Variants in ZNF649 observed in about 807,000 individuals in gnomAD.
ZNF649 encodes zinc finger protein 649.
Under a neutral mutation model 14.1 loss-of-function variants are expected in ZNF649, and 7 were observed. That is an observed-to-expected ratio of 0.49 (90% CI 0.28 to 0.93). The LOEUF (loss-of-function observed/expected upper bound fraction) is 0.93. Ranked by LOEUF, ZNF649 falls within the 40% of genes least tolerant of loss-of-function variation. ZNF649 has a pLI of 0.10. For missense variants in ZNF649, 544 were observed against 608.1 expected (o/e 0.89, Z 1.11); for synonymous variants, 227 against 212.3 (o/e 1.07, Z -0.60).
At chr19:51,892,570 A>C (rs2085031399) in intron 4 of ZNF649, among the ~76,000 whole-genome samples, 2 of 152,132 alleles carry the variant, frequency 1.3e-5, no homozygotes, top group African/African-American at 4.8e-5. Flanking sequence ...AACAGCAGAC[A>C]TAGGTAGTAG....
chr19:51,900,948 C>T (rs995899292), intron 1 of ZNF649, among the ~76,000 whole-genome samples: 3 of 152,172 alleles, frequency 2.0e-5, no homozygotes, highest in African/African-American at 7.2e-5. Flanking sequence ...ATATTCATGG[C>T]AACCACTTAT....
rs116142355 is a variant in ZNF649, at chr19:51,897,682, A to G, written c.16-704T>C. On this transcript the variant is annotated intron_variant, in intron 2 of 4. Transcript: ENST00000354957. ...CACACACATACACACGCATGCAGAC[A>G]TAGATGTCCTCACAGGTAAATCCCT... Among the ~76,000 whole-genome samples the G allele has an allele frequency of 8.1e-3, 1,238 of 152,344 alleles. 15 individuals carry two copies. The highest frequency in any genetic ancestry group is 0.028 in the African/African-American group (1,183 of 41,564).
At chr19:51,904,843 G>C (rs949584802) in intron 1 of ZNF649, 71 bp downstream of exon 1, 1 of 152,924 alleles carries the variant, frequency 6.5e-6, no homozygotes. Flanking sequence ...CAGGCCGCCA[G>C]CTCTCCCCAC....
chr19:51,902,969 G>T (rs961891382), intron 1 of ZNF649, among the ~76,000 whole-genome samples: 1 of 152,166 alleles, frequency 6.6e-6, no homozygotes, highest in Non-Finnish European at 1.5e-5. Flanking sequence ...TCATGGCAAA[G>T]TTATCTCGGG....
At chr19:51,898,095 CAAAA>C (rs34792714) in intron 2 of ZNF649, among the ~76,000 whole-genome samples, 4 of 84,374 alleles carry the variant, frequency 4.7e-5, no homozygotes, top group South Asian at 3.7e-4. Flanking sequence ...AAGACTGTCT[CAAAA>C]AAAAAAAAAA....
Position 51,904,963 on chromosome 19 carries a change from G to A in ZNF649, c.-237C>T, listed in dbSNP as rs7257987. Reference sequence around the variant, plus strand: ...AATTCCCTGAATGCTTCCTTTCCTGGCCCTTAAACCCCGGCACTGGCCTAT... The same window carrying A: ...AATTCCCTGAATGCTTCCTTTCCTGACCCTTAAACCCCGGCACTGGCCTAT... On this transcript the variant is annotated 5_prime_UTR_variant, in exon 1 of 5. Coordinates refer to ENST00000354957, the MANE Select transcript of ZNF649 (RefSeq NM_023074.4). 14,450 of 152,374 alleles carry A rather than the reference G, an allele frequency of 0.095. 2,136 individuals carry two copies. The highest frequency in any genetic ancestry group is 0.32 in the African/African-American group (13,146 of 41,392). The allele number at this position is 152,374 out of a possible 1,614,324, so 9.4% of individuals were successfully genotyped here. A position where few individuals can be genotyped will look rare whatever the true frequency, so the allele number is the denominator to read the frequency against.
At position 51,891,164 on chromosome 19, in the gene ZNF649, T is replaced by C; in HGVS notation, c.972A>G (p.Gly324=). ...GATTGCCCTTCTGAATGAAGCCTTT[T>C]CCACATTCACTGCATGTATGAGGCT... The part of the protein sequence containing the change: ...GEKPHTCSEC[G]KGFIQKGNLN... Residue 324 remains glycine, a synonymous_variant, in exon 5 of 5, where the codon GGA becomes GGG. Coordinates refer to ENST00000354957, the MANE Select transcript of ZNF649 (RefSeq NM_023074.4). This position sits in a 1 kb window ranked among gnomAD's most constrained non-coding sequence, Gnocchi z 4.2. The C allele has an allele frequency of 6.2e-7, 1 of 1,614,234 alleles. No homozygotes were observed. Among genetic ancestry groups the C allele is most frequent in the African/African-American group, 1.3e-5 (1 of 75,068 alleles).
At chr19:51,901,666 A>AAT (rs1555752837) in intron 1 of ZNF649, among the ~76,000 whole-genome samples, 1 of 151,910 alleles carries the variant, frequency 6.6e-6, no homozygotes, top group African/African-American at 2.4e-5. Flanking sequence ...AAAATAAAAA[A>AAT]AAATAAAGGC....
intron 1 of ZNF649, among the ~76,000 whole-genome samples, chr19:51,901,106 C>T (rs2085092012): frequency 6.6e-6 from 1 of 152,178 alleles, no homozygotes; most frequent in African/African-American, 2.4e-5. Context: ...CATGACAACA[C>T]ACGTGAAATG....
chr19:51,901,888 C>A (rs1053005970), intron 1 of ZNF649, among the ~76,000 whole-genome samples: 1 of 143,486 alleles, frequency 7.0e-6, no homozygotes, highest in East Asian at 2.0e-4. Context: ...GAGGTTGAGA[C>A]TGCAGTGAGT....
Position 51,891,261 on chromosome 19 carries a change from C to G in ZNF649, c.875G>C (p.Cys292Ser), listed in dbSNP as rs757611242. ...RIHTGIKPHQ[C>S]SECGRAFSRK... ...GGAGAAAGCTCTCCCACATTCGCTG[C>G]ATTGATGGGGCTTAATTCCCGTGTG... The change falls in exon 5 of 5, where the codon TGC (cysteine) becomes TCC (serine). Residue 292 changes from cysteine to serine, a missense_variant. Physicochemically the swap from Cys to Ser is moderately radical, Grantham distance 112 (BLOSUM62 -1). Transcript: ENST00000354957. The surrounding 1 kb of genome is among the most constrained non-coding windows in gnomAD (Gnocchi z 4.2). 49 of 1,614,144 alleles carry G rather than the reference C, an allele frequency of 3.0e-5. No homozygotes were observed. Among genetic ancestry groups the G allele is most frequent in the Non-Finnish European group, 4.2e-5 (49 of 1,180,058 alleles).
At chr19:51,893,479 A>G (rs561869887) in intron 4 of ZNF649, among the ~76,000 whole-genome samples, 159 of 152,296 alleles carry the variant, frequency 1.0e-3, no homozygotes, top group African/African-American at 3.4e-3. Context: ...GTTAGAATAT[A>G]AAGTTTCTCT....
chr19:51,903,516 C>G (rs978580691), intron 1 of ZNF649, among the ~76,000 whole-genome samples: 2 of 152,144 alleles, frequency 1.3e-5, no homozygotes, highest in African/African-American at 4.8e-5. Flanking sequence ...TTATACATTT[C>G]TTATAAATCG....
At chr19:51,895,313 G>A (rs150213765) in intron 4 of ZNF649, among the ~76,000 whole-genome samples, 5 of 152,202 alleles carry the variant, frequency 3.3e-5, no homozygotes, top group Non-Finnish European at 4.4e-5. Context: ...ATCACATACC[G>A]ATGCCTCAGT....
Position 51,896,582 on chromosome 19 carries a change from T to C in ZNF649, c.143-15A>G, listed in dbSNP as rs755362998. ...GGCTTGATACCCTGTTTGTGGGAAA[T>C]GGGAGAAGACTTAGGCTCACTGAAT... is the stretch of plus-strand genomic sequence containing the variant. On this transcript the variant is annotated splice_polypyrimidine_tract_variant and intron_variant, in intron 3 of 4. Coordinates refer to ENST00000354957, the MANE Select transcript of ZNF649 (RefSeq NM_023074.4). 5 of 1,613,648 alleles carry C rather than the reference T, an allele frequency of 3.1e-6. No homozygotes were observed. In the East Asian group the frequency reaches 6.7e-5, roughly 22 times the overall value.
At chr19:51,897,319 G>A (rs926432297) in intron 2 of ZNF649, 1 of 190,334 alleles carries the variant, frequency 5.3e-6, no homozygotes, top group Admixed American at 5.3e-5. Context: ...TACTGTGAAA[G>A]AAGCAAAGTC....
Position 51,891,085 on chromosome 19 carries a change from A to C in ZNF649, c.1051T>G (p.Cys351Gly). ...GACTTCTGGCTGAAGGCCTTGCCAC[A>C]GTCAATGCATCCATAAGGTTTCTCT... ...TGEKPYGCID[C>G]GKAFSQKSCL... The change falls in exon 5 of 5, where the codon TGT becomes GGT. Residue 351 changes from cysteine (C) to glycine (G), a missense_variant. Transcript: ENST00000354957. The surrounding 1 kb of genome is among the most constrained non-coding windows in gnomAD (Gnocchi z 4.2). 1 of 1,614,232 alleles carries C rather than the reference A, an allele frequency of 6.2e-7. No individual in the cohort carries two copies. The highest frequency in any genetic ancestry group is 2.2e-5 in the East Asian group (1 of 44,892).
intron 2 of ZNF649, 46 bp downstream of exon 2, chr19:51,900,047 A>T (rs2122771163): frequency 6.9e-7 from 1 of 1,456,394 alleles, no homozygotes; most frequent in East Asian, 2.4e-5. Flanking sequence ...GACTTCCACA[A>T]ATCCATCAGG....
Position 51,891,819 on chromosome 19 carries a change from T to C in ZNF649, c.317A>G (p.Glu106Gly). 6.2e-7 allele frequency: 1 copy of C among 1,613,058 alleles called. No individual in the cohort carries two copies. The highest frequency in any genetic ancestry group is 8.5e-7 in the Non-Finnish European group (1 of 1,179,756). ...ATATGATTTCAAAGTTCTTCCGTGTTCATAGCGTTGTCCCGTCCTCTTCAG... is the reference window on the plus strand; with the variant it reads ...ATATGATTTCAAAGTTCTTCCGTGTCCATAGCGTTGTCCCGTCCTCTTCAG... ...KILKRTGQRY[E>G]HGRTLKSYLG... Residue 106 changes from glutamate (E) to glycine (G), a missense_variant, in exon 5 of 5, where the codon GAA (glutamate) becomes GGA (glycine). Transcript: ENST00000354957. This position sits in a 1 kb window ranked among gnomAD's most constrained non-coding sequence, Gnocchi z 4.2.
Sources: allele counts gnomAD v4.1 joint callset (sites outside exome capture counted in the v4.1 genomes callset), GRCh38; gene constraint gnomAD v4.1.1; non-coding constraint Gnocchi (gnomAD v3.1); transcripts MANE v1.5; gene names NCBI Gene and HGNC (gene_info 2026-07-23, HGNC 2026-07-21).